The following MRRF variants were observed in gnomAD, a reference collection of about 807,000 sequenced individuals.
The protein encoded by MRRF is mitochondrial ribosome recycling factor, also known as ribosome-recycling factor, mitochondrial.
Under a neutral mutation model 25.1 loss-of-function variants are expected in MRRF, and 18 were observed. That is an observed-to-expected ratio of 0.72 (90% CI 0.50 to 1.06). MRRF has a LOEUF of 1.06. Among genes scored for constraint, MRRF ranks in the 50% least tolerant of loss-of-function variants. The pLI, the probability that MRRF is intolerant of heterozygous loss-of-function variation, is 0.00. For missense variants in MRRF, 323 were observed against 319.3 expected (o/e 1.01, Z -0.09); for synonymous variants, 113 against 112.1 (o/e 1.01, Z -0.05).
At chr9:122,303,845 C>T (rs765136414) in intron 5 of MRRF, among the ~76,000 whole-genome samples, 1 of 152,168 alleles carries the variant, frequency 6.6e-6, no homozygotes, top group Non-Finnish European at 1.5e-5. Context: ...CATGTAATCA[C>T]ATTTGCTCCT....
chr9:122,316,356 A>G (rs1225695600), intron 6 of MRRF, among the ~76,000 whole-genome samples: 1 of 151,754 alleles, frequency 6.6e-6, no homozygotes, highest in Non-Finnish European at 1.5e-5. Context: ...TTTTATTTTT[A>G]GTAGAGATGA....
At chr9:122,283,155 G>A (rs887500539) in intron 3 of MRRF, among the ~76,000 whole-genome samples, 13 of 150,350 alleles carry the variant, frequency 8.6e-5, no homozygotes, top group East Asian at 5.9e-4. Flanking sequence ...GTGCAATGGC[G>A]CGATCTCGGC....
chr9:122,316,199 A>AT, intron 6 of MRRF, among the ~76,000 whole-genome samples: 1 of 152,062 alleles, frequency 6.6e-6, no homozygotes, highest in Admixed American at 6.5e-5. Flanking sequence ...ATTTTTATTT[A>AT]TTTTTTATTT....
intron 5 of MRRF, among the ~76,000 whole-genome samples, chr9:122,308,420 C>T (rs1425914165): frequency 2.7e-5 from 4 of 146,712 alleles, no homozygotes; most frequent in South Asian, 2.1e-4. Context: ...GGGGTCAGGC[C>T]GGATGCGGTG....
chr9:122,268,992 C>T (rs1184330330), intron 1 of MRRF, among the ~76,000 whole-genome samples: 5 of 151,830 alleles, frequency 3.3e-5, no homozygotes, highest in African/African-American at 7.3e-5. Flanking sequence ...GGTGAAACCC[C>T]GTCTCTACTA....
intron 2 of MRRF, among the ~76,000 whole-genome samples, chr9:122,272,891 T>C (rs1184899433): frequency 6.6e-6 from 1 of 152,182 alleles, no homozygotes; most frequent in African/African-American, 2.4e-5. Context: ...ATTTATTGAT[T>C]AGCCTACTCT....
intron 5 of MRRF, 135 bp downstream of exon 5, chr9:122,291,975 T>C (rs1186543496): frequency 2.4e-5 from 18 of 743,038 alleles, no homozygotes; most frequent in Non-Finnish European, 4.5e-5. Flanking sequence ...AAACATCTTT[T>C]GAGATCACTT....
rs1174959288 is a variant in MRRF, at chr9:122,265,679, A to T, written c.-29+741A>T. 4.0e-6 allele frequency: 4 copies of T among 999,790 alleles called. No individual in the cohort carries two copies. In the African/African-American group the frequency reaches 6.7e-5, roughly 17 times the overall value. 61.9% of individuals were successfully genotyped at this position (999,790 alleles called of 1,614,324 possible). On this transcript the variant is annotated intron_variant, in intron 1 of 6. Coordinates refer to ENST00000344641, the MANE Select transcript of MRRF (RefSeq NM_138777.5). ...GTTGAAACAAAATCTACGTAGGAGA[A>T]ATCACTTGGTACAAGTCACAAGTCA...
In MRRF at chr9:122,303,286, T is replaced by TTATATA. The variant is rs34107230; in HGVS notation, c.552-9929_552-9924dup. 3.4e-4 allele frequency among the ~76,000 whole-genome samples: 50 copies of TTATATA among 148,414 alleles called. 1 individual carries two copies. The highest frequency in any genetic ancestry group is 9.8e-4 in the African/African-American group (40 of 40,704). The stretch of plus-strand genomic sequence containing the variant: ...GAATATGCAAACCTAAATAAATATA[T>TTATATA]TATATATATATATATATTTAGTTTA... On this transcript the variant is annotated intron_variant, in intron 5 of 6. Coordinates refer to ENST00000344641, the MANE Select transcript of MRRF (RefSeq NM_138777.5).
intron 1 of MRRF, chr9:122,265,893 T>C (rs1832047606): frequency 9.6e-6 from 5 of 521,678 alleles, no homozygotes; most frequent in South Asian, 6.2e-5. Flanking sequence ...ATTCTGTGTA[T>C]AGTCAGATAC....
At chr9:122,272,041 T>C (rs1243740773) in intron 2 of MRRF, among the ~76,000 whole-genome samples, 1 of 152,256 alleles carries the variant, frequency 6.6e-6, no homozygotes, top group Non-Finnish European at 1.5e-5. Context: ...TAACCTTTGA[T>C]CTGTATGTAG....
At chr9:122,298,723 A>T (rs1407461092) in intron 5 of MRRF, among the ~76,000 whole-genome samples, 1 of 152,236 alleles carries the variant, frequency 6.6e-6, no homozygotes, top group East Asian at 1.9e-4. Flanking sequence ...GTAGTGAATA[A>T]GCCAGACAAA....
At chr9:122,290,074 AAAAAG>A (rs1185760714) in intron 4 of MRRF, among the ~76,000 whole-genome samples, 1 of 151,998 alleles carries the variant, frequency 6.6e-6, no homozygotes, top group Non-Finnish European at 1.5e-5. Flanking sequence ...AAGAAAAAAG[AAAAAG>A]AAAAGAAAAA....
chr9:122,320,723 G>A (rs1349997438), intron 6 of MRRF, among the ~76,000 whole-genome samples: 1 of 152,230 alleles, frequency 6.6e-6, no homozygotes, highest in African/African-American at 2.4e-5. Flanking sequence ...CTCCCTGCCT[G>A]GGACCAATTG....
At chr9:122,288,899 T>C (rs575988876) in intron 4 of MRRF, among the ~76,000 whole-genome samples, 1 of 152,360 alleles carries the variant, frequency 6.6e-6, no homozygotes, top group African/African-American at 2.4e-5. Flanking sequence ...CTCAACACTC[T>C]ACTCCAAGCA....
intron 5 of MRRF, among the ~76,000 whole-genome samples, chr9:122,294,652 G>A (rs1383153483): frequency 6.6e-6 from 1 of 152,190 alleles, no homozygotes; most frequent in Non-Finnish European, 1.5e-5. Context: ...GAGGATAAAG[G>A]TTGATTTATA....
chr9:122,321,014 G>A (rs966892359), intron 6 of MRRF, among the ~76,000 whole-genome samples: 4 of 152,178 alleles, frequency 2.6e-5, no homozygotes, highest in African/African-American at 7.2e-5. Flanking sequence ...ATATAGAAAA[G>A]CACAAAAAAC....
chr9:122,321,847 A>G (rs1194371516), intron 6 of MRRF, among the ~76,000 whole-genome samples: 1 of 152,004 alleles, frequency 6.6e-6, no homozygotes, highest in African/African-American at 2.4e-5. Context: ...GAAATTCTAG[A>G]GGCTCATTAA....
intron 5 of MRRF, among the ~76,000 whole-genome samples, chr9:122,312,216 A>G (rs779727884): frequency 1.3e-5 from 2 of 152,206 alleles, no homozygotes; most frequent in Non-Finnish European, 2.9e-5. Flanking sequence ...GTCACTTAAC[A>G]TCTGTGAGCC....
Sources: allele counts gnomAD v4.1 joint callset (sites outside exome capture counted in the v4.1 genomes callset), GRCh38; gene constraint gnomAD v4.1.1; transcripts MANE v1.5; gene names NCBI Gene and HGNC (gene_info 2026-07-23, HGNC 2026-07-21).